ANKFY1: variants seen among roughly 807,000 people sequenced by gnomAD.
ANKFY1 encodes the protein ankyrin repeat and FYVE domain-containing protein 1.
A neutral mutation model predicts 128.3 loss-of-function variants in ANKFY1; 47 were observed. That is an observed-to-expected ratio of 0.37 (90% CI 0.29 to 0.47). ANKFY1 has a LOEUF of 0.47. ANKFY1 is among the 20% of genes least tolerant of loss of function. ANKFY1 has a pLI of 1.00. For synonymous variants in ANKFY1, 553 were observed against 601.6 expected (o/e 0.92, Z 1.18); for missense variants, 1,222 against 1,510.6 (o/e 0.81, Z 3.17).
At chr17:4,217,411 C>G (rs913834295) in intron 3 of ANKFY1, among the ~76,000 whole-genome samples, 1 of 152,058 alleles carries the variant, frequency 6.6e-6, no homozygotes, top group African/African-American at 2.4e-5. Flanking sequence ...TTAGCCGGGC[C>G]TGGTGGCGTG....
chr17:4,247,455 A>G (rs1378412737), intron 1 of ANKFY1, among the ~76,000 whole-genome samples: 3 of 152,290 alleles, frequency 2.0e-5, no homozygotes, highest in South Asian at 4.1e-4. Context: ...TTAGTCACAA[A>G]ATTACAGATG....
At chr17:4,245,866 A>C (rs1179338230) in intron 1 of ANKFY1, among the ~76,000 whole-genome samples, 2 of 152,176 alleles carry the variant, frequency 1.3e-5, no homozygotes, top group Non-Finnish European at 2.9e-5. Context: ...CAATATGGTG[A>C]AACCCCATCT....
chr17:4,228,770 T>A (rs1369646891), intron 3 of ANKFY1, among the ~76,000 whole-genome samples: 1 of 152,212 alleles, frequency 6.6e-6, no homozygotes, highest in Non-Finnish European at 1.5e-5. Flanking sequence ...TGTATTCGTA[T>A]GTCAAAACTT....
At chr17:4,223,782 T>C in intron 3 of ANKFY1, 1 of 1,533,180 alleles carries the variant, frequency 6.5e-7, no homozygotes, top group African/African-American at 1.4e-5. Flanking sequence ...TTTCAGCAGC[T>C]GGTACAGTGT....
intron 10 of ANKFY1, 100 bp from the exon 11 acceptor site, chr17:4,189,579 C>T: frequency 9.5e-7 from 1 of 1,051,292 alleles, no homozygotes; most frequent in Non-Finnish European, 1.4e-6. Context: ...ACTGGCAAGC[C>T]CACGCCAGAC....
intron 1 of ANKFY1, among the ~76,000 whole-genome samples, chr17:4,258,891 CAA>C (rs1353105766): frequency 6.6e-6 from 1 of 151,988 alleles, no homozygotes; most frequent in East Asian, 1.9e-4. Flanking sequence ...ATCAAGCTAA[CAA>C]AAGTTTATGA....
At chr17:4,184,397 G>C (rs1481216639) in intron 12 of ANKFY1, among the ~76,000 whole-genome samples, 1 of 152,216 alleles carries the variant, frequency 6.6e-6, no homozygotes, top group African/African-American at 2.4e-5. Flanking sequence ...GAAGGCGTGA[G>C]GGAGACTTTC....
chr17:4,223,365 A>C (rs1055194242), intron 3 of ANKFY1: 8 of 1,588,556 alleles, frequency 5.0e-6, no homozygotes, highest in Middle Eastern at 4.0e-4. Context: ...ATGGCTATTC[A>C]GATTGCCTGT....
intron 7 of ANKFY1, 135 bp from the exon 8 acceptor site, chr17:4,197,712 T>C: frequency 1.3e-6 from 1 of 779,884 alleles, no homozygotes; most frequent in Non-Finnish European, 2.1e-6. Flanking sequence ...TCTTGGGGCA[T>C]CTGTAAGTGG....
At chr17:4,261,255 G>A (rs1968398719) in intron 1 of ANKFY1, among the ~76,000 whole-genome samples, 1 of 152,194 alleles carries the variant, frequency 6.6e-6, no homozygotes. Context: ...TTGGGAGGCC[G>A]AGGCCGGCAG....
chr17:4,169,365 G>T lies in ANKFY1; in HGVS notation c.3287-77C>A. 8.9e-7 allele frequency: 1 copy of T among 1,126,224 alleles called. No individual in the cohort carries two copies. Among genetic ancestry groups the T allele is most frequent in the Non-Finnish European group, 1.3e-6 (1 of 768,170 alleles). The allele number at this position is 1,126,224 out of a possible 1,614,324, so 69.8% of individuals were successfully genotyped here. Reference sequence around the variant, plus strand: ...AAGCCCCAGGGCTTGGAGGCAGCAGGAACACAGACCCGTAAGTGAGGCAGC... The same window carrying T: ...AAGCCCCAGGGCTTGGAGGCAGCAGTAACACAGACCCGTAAGTGAGGCAGC... On this transcript the variant is annotated intron_variant, in intron 23 of 24. Transcript: ENST00000341657. This position sits in a 1 kb window ranked among gnomAD's most constrained non-coding sequence, Gnocchi z 5.0.
chr17:4,247,765 TG>T (rs1468592944), intron 1 of ANKFY1, among the ~76,000 whole-genome samples: 4 of 152,192 alleles, frequency 2.6e-5, no homozygotes, highest in African/African-American at 9.7e-5. Context: ...CCAGACTGAC[TG>T]GGATCAAGCC....
intron 17 of ANKFY1, 123 bp downstream of exon 17, chr17:4,179,598 G>C: frequency 8.0e-7 from 1 of 1,244,514 alleles, no homozygotes; most frequent in Non-Finnish European, 1.1e-6. Flanking sequence ...CTGCTAGGGA[G>C]GTCGTGTGTT....
intron 4 of ANKFY1, among the ~76,000 whole-genome samples, chr17:4,216,080 A>G (rs1374369767): frequency 2.6e-5 from 4 of 152,232 alleles, no homozygotes; most frequent in Admixed American, 6.5e-5. Context: ...ACCCACATCA[A>G]TAACAGACAG....
intron 3 of ANKFY1, chr17:4,223,686 G>A (rs1016319393): frequency 2.4e-5 from 38 of 1,601,842 alleles, no homozygotes; most frequent in Middle Eastern, 1.6e-4. Flanking sequence ...GATGGTTACC[G>A]AATAGCCCAG....
At chr17:4,242,537 C>T (rs937229627) in intron 1 of ANKFY1, 89 bp from the exon 2 acceptor site, 8 of 1,168,450 alleles carry the variant, frequency 6.8e-6, no homozygotes, top group Middle Eastern at 2.3e-4. Flanking sequence ...CAGGAAAGCT[C>T]CCAAAGTGAC....
chr17:4,208,351 G>T (rs1158421931), intron 5 of ANKFY1, among the ~76,000 whole-genome samples: 1 of 152,164 alleles, frequency 6.6e-6, no homozygotes, highest in Non-Finnish European at 1.5e-5. Context: ...CTGACGTTCC[G>T]AGCCTCACTC....
chr17:4,164,703 C>T lies in ANKFY1; in HGVS notation c.*3076G>A, dbSNP rs2059181048. 6.6e-6 allele frequency: 1 copy of T among 152,316 alleles called. No homozygotes were observed. The highest frequency in any genetic ancestry group is 2.4e-5 in the African/African-American group (1 of 41,448). 9.4% of individuals were successfully genotyped at this position (152,316 alleles called of 1,614,324 possible). A position where few individuals can be genotyped will look rare whatever the true frequency, so the allele number is the denominator to read the frequency against. ...CCTTTCCCAAGACGTTCCCTCCACT[C>T]CGTGCCCGTGGAGAAGATTAGTGCA... On this transcript the variant is annotated 3_prime_UTR_variant, in exon 25 of 25. Coordinates refer to ENST00000341657, the MANE Select transcript of ANKFY1 (RefSeq NM_001330063.2).
At position 4,172,574 on chromosome 17, in the gene ANKFY1, C is replaced by T. The variant is rs1013612898; in HGVS notation, c.3121G>A (p.Asp1041Asn). The T allele has an allele frequency of 1.2e-6, 2 of 1,613,900 alleles. No homozygotes were observed. The highest frequency in any genetic ancestry group is 1.7e-6 in the Non-Finnish European group (2 of 1,179,868). The change falls in exon 22 of 25, where the codon GAT becomes AAT. Residue 1041 changes from aspartate to asparagine, a missense_variant. Physicochemically the swap from Asp to Asn is conservative, Grantham distance 23 (BLOSUM62 1). Coordinates refer to ENST00000341657, the MANE Select transcript of ANKFY1 (RefSeq NM_001330063.2). ...CMPGYPLDKP[D>N]ADGSTVLLLA... ...TACACACCCGTGCTGCCGTCTGCAT[C>T]CGGCTTGTCCAGAGGATACCCCGGC...
Sources: gnomAD v4.1 joint callset for allele counts (sites outside exome capture counted in the v4.1 genomes callset) on GRCh38, gnomAD v4.1.1 for gene constraint, Gnocchi (gnomAD v3.1) non-coding constraint, MANE v1.5 for transcripts, NCBI Gene and HGNC (gene_info 2026-07-23, HGNC 2026-07-21) for gene names.